Variants in SYMPK observed in about 807,000 individuals in gnomAD.
SYMPK encodes the protein symplekin.
A neutral mutation model predicts 136.4 loss-of-function variants in SYMPK; 49 were observed. The observed-to-expected ratio is 0.36, with a 90% CI of 0.29 to 0.46. SYMPK has a LOEUF of 0.46. Ranked by LOEUF, SYMPK falls within the 20% of genes least tolerant of loss-of-function variation. SYMPK has a pLI of 1.00. For missense variants in SYMPK, 1,365 were observed against 1,690.0 expected, an observed-to-expected ratio of 0.81 and a Z score of 3.37; for synonymous variants, 766 against 713.0, an observed-to-expected ratio of 1.07 and a Z score of -1.19.
chr19:45,836,678 G>T (rs542190515), intron 10 of SYMPK, among the ~76,000 whole-genome samples: 263 of 151,648 alleles, frequency 1.7e-3, no homozygotes, highest in Middle Eastern at 3.4e-3. Flanking sequence ...TTACTCTATT[G>T]TCCAGGCTGG....
chr19:45,823,986 G>T, intron 18 of SYMPK, 111 bp from the exon 19 acceptor site: 1 of 662,418 alleles, frequency 1.5e-6, no homozygotes, highest in Admixed American at 2.3e-5. Context: ...GTGAGACTGA[G>T]GTGACAGGGT....
At chr19:45,843,654 G>A (rs1317746217) in intron 8 of SYMPK, among the ~76,000 whole-genome samples, 1 of 152,054 alleles carries the variant, frequency 6.6e-6, no homozygotes, top group African/African-American at 2.4e-5. Flanking sequence ...CTTTAAGAAT[G>A]AGCAGGCTGA....
At chr19:45,838,672 TC>T in intron 9 of SYMPK, 57 bp from the exon 10 acceptor site, 1 of 1,565,384 alleles carries the variant, frequency 6.4e-7, no homozygotes, top group Non-Finnish European at 8.7e-7. Context: ...AGGCCCTCCA[TC>T]CTTCCGGGGT....
intron 11 of SYMPK, 46 bp from the exon 12 acceptor site, chr19:45,831,634 T>C (rs754206329): frequency 6.7e-7 from 1 of 1,494,132 alleles, no homozygotes; most frequent in Non-Finnish European, 9.0e-7. Flanking sequence ...CAGACCCACC[T>C]GCTCCAACCC....
chr19:45,820,311 G>A (rs1358862807), intron 22 of SYMPK: 1 of 152,258 alleles, frequency 6.6e-6, no homozygotes, highest in Non-Finnish European at 1.5e-5. Context: ...TGGCCTATGA[G>A]CCTGGAGATC....
intron 1 of SYMPK, among the ~76,000 whole-genome samples, chr19:45,859,192 C>G (rs1453701700): frequency 6.6e-6 from 1 of 152,082 alleles, no homozygotes; most frequent in Non-Finnish European, 1.5e-5. Flanking sequence ...AAACGGCCTC[C>G]CCAATCACTG....
At chr19:45,848,614 T>G (rs772483238) in intron 6 of SYMPK, 136 bp downstream of exon 6, 2 of 1,225,850 alleles carry the variant, frequency 1.6e-6, no homozygotes, top group Non-Finnish European at 2.3e-6. Context: ...GCTCTCCATG[T>G]TATCTGTTCC....
chr19:45,817,415 CTCTTTTTT>C (rs1970775982), intron 23 of SYMPK, among the ~76,000 whole-genome samples: 1 of 100,174 alleles, frequency 1.0e-5, no homozygotes, highest in Non-Finnish European at 2.0e-5. Context: ...TTTTTTTGTT[CTCTTTTTT>C]TTTTTTTTTT....
Position 45,854,362 on chromosome 19 carries a change from T to G in SYMPK, c.105+29A>C. On this transcript the variant is annotated intron_variant, in intron 2 of 26. Coordinates refer to ENST00000245934, the MANE Select transcript of SYMPK (RefSeq NM_004819.3). ...TGCCAAAGCCAGGGGCTATGCTTCC[T>G]CACTCCAAGCCCTACCCGCCACGCT... 3 of 1,610,490 alleles carry G rather than the reference T, an allele frequency of 1.9e-6. No individual in the cohort carries two copies. The East Asian group carries it at 6.7e-5, about 36-fold the overall frequency.
At chr19:45,849,897 T>TCCA (rs1000951690) in intron 5 of SYMPK, among the ~76,000 whole-genome samples, 33 of 151,924 alleles carry the variant, frequency 2.2e-4, no homozygotes, top group African/African-American at 7.7e-4. Flanking sequence ...AATACAAAAT[T>TCCA]GGCCGGGCAT....
At chr19:45,836,201 C>A (rs1322017544) in intron 10 of SYMPK, among the ~76,000 whole-genome samples, 2 of 151,626 alleles carry the variant, frequency 1.3e-5, no homozygotes, top group African/African-American at 4.8e-5. Flanking sequence ...CCTGCCTCAG[C>A]CTCCCAAGTA....
At position 45,815,598 on chromosome 19, in the gene SYMPK, C is replaced by T. The variant is rs1368751708; in HGVS notation, c.3787G>A (p.Glu1263Lys). 1.2e-6 allele frequency: 2 copies of T among 1,602,106 alleles called. No homozygotes were observed. The highest frequency in any genetic ancestry group is 1.7e-6 in the Non-Finnish European group (2 of 1,175,612). ...TTGGCCTCGGGTTCCCTGGCGTCCT[C>T]GGCAGCCGGGCTGGGAGTCTTCATA... is the stretch of plus-strand genomic sequence containing the variant. ...DAMKTPSPAA[E>K]DAREPEAKGN... is the part of the protein sequence containing the mutation. Residue 1263 changes from glutamate (E) to lysine (K), a missense_variant, in exon 27 of 27, where the codon GAG (glutamate) becomes AAG (lysine). Around this residue, in one of 11 missense-constraint regions of SYMPK, gnomAD observed 341 missense variants for 270.5 expected, o/e 1.26. Coordinates refer to ENST00000245934, the MANE Select transcript of SYMPK (RefSeq NM_004819.3).
At chr19:45,816,404 G>C (rs980443419) in intron 25 of SYMPK, 78 bp downstream of exon 25, 55 of 1,517,288 alleles carry the variant, frequency 3.6e-5, no homozygotes, top group Middle Eastern at 2.2e-4. Flanking sequence ...GTCAGGAGGA[G>C]GCCATGGTGA....
rs755496244 is a variant in SYMPK, at chr19:45,827,539, G to A, written c.2152C>T (p.Leu718Phe). The change falls in exon 16 of 27, where the codon CTC (leucine) becomes TTC (phenylalanine). Residue 718 changes from leucine (L) to phenylalanine (F), a missense_variant. Around this residue, in one of 11 missense-constraint regions of SYMPK, gnomAD observed 303 missense variants for 326.6 expected, o/e 0.93. Transcript: ENST00000245934. ...TCCTTCTCATGGGAGCTGAGGTCGA[G>A]GAGGACATGCAGGTACTGGAACTGG... Reference protein sequence around the residue: ...SRQFQYLHVLLDLSSHEKDKV... With the variant: ...SRQFQYLHVLFDLSSHEKDKV... The A allele has an allele frequency of 1.2e-6, 2 of 1,614,122 alleles. No individual in the cohort carries two copies. The highest frequency in any genetic ancestry group is 1.7e-6 in the Non-Finnish European group (2 of 1,179,966).
intron 11 of SYMPK, among the ~76,000 whole-genome samples, chr19:45,832,855 C>CAAAAAAAAAAAAA (rs10561490): frequency 8.4e-6 from 1 of 118,662 alleles, no homozygotes; most frequent in African/African-American, 3.3e-5. Flanking sequence ...ACTAAAAATA[C>CAAAAAAAAAAAAA]AAAAAAAAAA....
rs1970762813 is a variant in SYMPK, at chr19:45,817,135, G to A, written c.3082-161C>T. On this transcript the variant is annotated intron_variant, in intron 23 of 26. Coordinates refer to ENST00000245934, the MANE Select transcript of SYMPK (RefSeq NM_004819.3). ...CCCCGACCTCCCTCCAGAGGCCTTT[G>A]TCTTCCCGATCCAGGCGGCTGGACC... The A allele has an allele frequency of 8.8e-6, 6 of 684,694 alleles. No homozygotes were observed. In the South Asian group the frequency reaches 1.3e-4, roughly 15 times the overall value. The allele number at this position is 684,694 out of a possible 1,614,324, so 42.4% of individuals were successfully genotyped here. A position where few individuals can be genotyped will look rare whatever the true frequency, so the allele number is the denominator to read the frequency against.
intron 12 of SYMPK, chr19:45,830,883 C>T (rs56276426): frequency 0.29 from 43,177 of 151,118 alleles, 6,720 homozygotes; most frequent in Admixed American, 0.41. Flanking sequence ...AGTGAGACTC[C>T]GACTCAAAAA....
At chr19:45,856,953 A>G (rs1433734257) in intron 1 of SYMPK, among the ~76,000 whole-genome samples, 1 of 151,778 alleles carries the variant, frequency 6.6e-6, no homozygotes, top group Non-Finnish European at 1.5e-5. Flanking sequence ...ACTGTTCCCT[A>G]CTAAAAACAT....
At chr19:45,858,660 C>A (rs532240420) in intron 1 of SYMPK, among the ~76,000 whole-genome samples, 7 of 152,164 alleles carry the variant, frequency 4.6e-5, no homozygotes, top group Non-Finnish European at 8.8e-5. Flanking sequence ...GGATTACAGG[C>A]ATGTGCCACC....
Sources: allele counts gnomAD v4.1 joint callset (sites outside exome capture counted in the v4.1 genomes callset), GRCh38; gene constraint gnomAD v4.1.1; regional missense constraint gnomAD v4.1.1; transcripts MANE v1.5; gene names NCBI Gene and HGNC (gene_info 2026-07-23, HGNC 2026-07-21).